Variants in SEL1L3 observed in about 807,000 individuals in gnomAD.
SEL1L3 encodes SEL1L family member 3, also known as protein sel-1 homolog 3.
A neutral mutation model predicts 142.8 loss-of-function variants in SEL1L3; 76 were observed. That is an observed-to-expected ratio of 0.53 (90% confidence interval 0.44 to 0.64). The LOEUF is 0.64. Among genes scored for constraint, SEL1L3 ranks in the 30% least tolerant of loss-of-function variants. The pLI, the probability that SEL1L3 is intolerant of heterozygous loss-of-function variation, is 0.00. For synonymous variants in SEL1L3, 504 were observed against 519.6 expected (o/e 0.97, Z 0.41); for missense variants, 1,262 against 1,381.7 (o/e 0.91, Z 1.37).
intron 11 of SEL1L3, among the ~76,000 whole-genome samples, chr4:25,800,195 C>G (rs1383579414): frequency 6.6e-6 from 1 of 152,194 alleles, no homozygotes; most frequent in African/African-American, 2.4e-5. Flanking sequence ...AATTAGAGGT[C>G]TGGCTTTCTC....
At position 25,776,311 on chromosome 4, in the gene SEL1L3, G is replaced by A. The variant is rs1156486395; in HGVS notation, c.2635C>T (p.Arg879Cys). The A allele has an allele frequency of 1.1e-5, 18 of 1,612,940 alleles. No individual in the cohort carries two copies. The highest frequency in any genetic ancestry group is 4.5e-5 in the East Asian group (2 of 44,844). Residue 879 changes from arginine (R) to cysteine (C), a missense_variant, in exon 17 of 24, where the codon CGC (arginine) becomes TGC (cysteine). Transcript: ENST00000399878. ...EKNGYLGHVI[R>C]KGLNAYLEGS... Reference sequence around the variant, plus strand: ...TCCAGGTAGGCATTGAGGCCTTTGCGGATGACATGGCCCAAGTAGCCATTT... The same window carrying A: ...TCCAGGTAGGCATTGAGGCCTTTGCAGATGACATGGCCCAAGTAGCCATTT...
chr4:25,779,275 T>C (rs760450752), intron 15 of SEL1L3, 72 bp from the exon 16 acceptor site: 564 of 1,559,150 alleles, frequency 3.6e-4, no homozygotes, highest in Non-Finnish European at 4.7e-4. Context: ...GGTGATGAGA[T>C]GCTTTAAGCC....
Position 25,811,311 on chromosome 4 carries a change from C to T in SEL1L3, c.1565-6559G>A, listed in dbSNP as rs111869315. On this transcript the variant is annotated intron_variant, in intron 9 of 23. Transcript: ENST00000399878. ...GATTCTGGTCTACTGCTGTTGACAG[C>T]GGAAAGCTGGCAAACAGCGTCCTGG... Among the ~76,000 whole-genome samples the T allele has an allele frequency of 2.0e-5, 3 of 152,262 alleles. 1 individual carries two copies. Among genetic ancestry groups the T allele is most frequent in the African/African-American group, 7.2e-5 (3 of 41,544 alleles).
At position 25,862,938 on chromosome 4, in the gene SEL1L3, C is replaced by CCGCG. The variant is rs1717840352; in HGVS notation, c.-106_-103dup. On this transcript the variant is annotated 5_prime_UTR_variant, in exon 1 of 24. Coordinates refer to ENST00000399878, the MANE Select transcript of SEL1L3 (RefSeq NM_015187.5). ...CGCCCGCCCCCGGCCGGGCCGGCCG[C>CCGCG]CGCGCGCGGGGCCACCTGCCGCCAC... is the stretch of plus-strand genomic sequence containing the variant. The CCGCG allele has an allele frequency of 1.2e-6, 1 of 858,378 alleles. No homozygotes were observed. Among genetic ancestry groups the CCGCG allele is most frequent in the Non-Finnish European group, 1.4e-6 (1 of 716,968 alleles). The allele number at this position is 858,378 out of a possible 1,614,324, so 53.2% of individuals were successfully genotyped here.
intron 1 of SEL1L3, among the ~76,000 whole-genome samples, chr4:25,850,837 T>A (rs1022022250): frequency 1.4e-4 from 21 of 152,014 alleles, no homozygotes; most frequent in African/African-American, 5.1e-4. Flanking sequence ...TTTTCAGGGT[T>A]TTCTTTTTTT....
At chr4:25,721,537 G>T in the SEL1L3 span, among the ~76,000 whole-genome samples, 1 of 152,132 alleles carries the variant, frequency 6.6e-6, no homozygotes, top group Non-Finnish European at 1.5e-5. Flanking sequence ...AGCATTGTAC[G>T]AATGCTGGGG....
intron 11 of SEL1L3, among the ~76,000 whole-genome samples, chr4:25,800,593 C>T (rs1197336230): frequency 2.0e-5 from 3 of 152,094 alleles, no homozygotes; most frequent in Non-Finnish European, 4.4e-5. Context: ...ATTATTAACA[C>T]ATCCAGGCTT....
intron 2 of SEL1L3, among the ~76,000 whole-genome samples, chr4:25,845,122 C>T (rs935413781): frequency 6.6e-6 from 1 of 152,208 alleles, no homozygotes; most frequent in Admixed American, 6.5e-5. Context: ...AGCATTACTT[C>T]CCCAATTTTG....
chr4:25,822,258 T>A, intron 6 of SEL1L3, 130 bp from the exon 7 acceptor site: 1 of 1,057,202 alleles, frequency 9.5e-7, no homozygotes, highest in Admixed American at 2.2e-5. Context: ...TTTTAGCAGA[T>A]GAGACCAGCG....
At chr4:25,782,089 C>G (rs767455120) in intron 15 of SEL1L3, among the ~76,000 whole-genome samples, 153 bp downstream of exon 15, 41 of 152,232 alleles carry the variant, frequency 2.7e-4, no homozygotes, top group Non-Finnish European at 4.6e-4. Context: ...ACCCTTTCCT[C>G]TTCACTATCT....
At chr4:25,829,143 T>G (rs1477644328) in intron 6 of SEL1L3, among the ~76,000 whole-genome samples, 2 of 152,152 alleles carry the variant, frequency 1.3e-5, no homozygotes, top group Non-Finnish European at 2.9e-5. Flanking sequence ...AGGCTTATTT[T>G]TGTATTTTTA....
chr4:25,856,897 A>G (rs968929350), intron 1 of SEL1L3, among the ~76,000 whole-genome samples: 18 of 152,222 alleles, frequency 1.2e-4, no homozygotes, highest in African/African-American at 3.9e-4. Context: ...GTATTTAAGG[A>G]AGGAACAGAG....
At chr4:25,733,756 C>T in the SEL1L3 span, among the ~76,000 whole-genome samples, 1 of 152,030 alleles carries the variant, frequency 6.6e-6, no homozygotes, top group South Asian at 2.1e-4. Flanking sequence ...CATGATTTCC[C>T]TCCCACCTCC....
At chr4:25,822,260 A>G in intron 6 of SEL1L3, 132 bp from the exon 7 acceptor site, 1 of 1,000,524 alleles carries the variant, frequency 1.0e-6, no homozygotes, top group Non-Finnish European at 1.5e-6. Context: ...TTAGCAGATG[A>G]GACCAGCGTA....
chr4:25,769,745 C>T (rs946105766), intron 17 of SEL1L3, among the ~76,000 whole-genome samples: 1 of 152,198 alleles, frequency 6.6e-6, no homozygotes, highest in African/African-American at 2.4e-5. Context: ...CAGTGTAGAC[C>T]TGCAAACCAA....
chr4:25,762,432 A>G (rs995712790), intron 20 of SEL1L3, among the ~76,000 whole-genome samples: 11 of 152,254 alleles, frequency 7.2e-5, no homozygotes, highest in Non-Finnish European at 1.5e-4. Flanking sequence ...TATAGGCAAC[A>G]GTATGATCTA....
intron 16 of SEL1L3, chr4:25,777,589 A>T (rs1719721481): frequency 3.1e-6 from 1 of 326,778 alleles, no homozygotes; most frequent in African/African-American, 2.2e-5. Flanking sequence ...CCATATACCA[A>T]TCATAAAGCA....
At chr4:25,779,033 G>C in intron 16 of SEL1L3, 43 bp downstream of exon 16, 1 of 1,604,398 alleles carries the variant, frequency 6.2e-7, no homozygotes. Context: ...GAGAATATAG[G>C]ATATGGCTTT....
At chr4:25,769,228 A>G (rs1417392288) in intron 17 of SEL1L3, among the ~76,000 whole-genome samples, 1 of 152,214 alleles carries the variant, frequency 6.6e-6, no homozygotes, top group Admixed American at 6.5e-5. Flanking sequence ...TATCTTTTCT[A>G]AACTGCTAAA....
Sources: allele counts gnomAD v4.1 joint callset (sites outside exome capture counted in the v4.1 genomes callset), GRCh38; gene constraint gnomAD v4.1.1; transcripts MANE v1.5; gene names NCBI Gene and HGNC (gene_info 2026-07-23, HGNC 2026-07-21).